The following PPP2R2C variants were observed in gnomAD, a reference collection of about 807,000 sequenced individuals.
PPP2R2C encodes protein phosphatase 2 regulatory subunit Bgamma.
In PPP2R2C, 10 loss-of-function variants were observed where a neutral mutation model predicts 45.3. The ratio of observed to expected loss-of-function variants is 0.22; its 90% CI spans 0.14 to 0.37. The LOEUF is 0.37. Ranked by LOEUF, PPP2R2C falls within the 10% of genes least tolerant of loss-of-function variation. The pLI, the probability that PPP2R2C is intolerant of heterozygous loss-of-function variation, is 1.00. For missense variants in PPP2R2C, 308 were observed against 619.7 expected (o/e 0.50, Z 5.34); for synonymous variants, 257 against 245.4 (o/e 1.05, Z -0.44).
chr4:6,499,415 C>T (rs1301836545), intron 2 of PPP2R2C, among the ~76,000 whole-genome samples: 2 of 152,276 alleles, frequency 1.3e-5, no homozygotes. Flanking sequence ...GCAGTGCCTC[C>T]GACAGGCCAC....
intron 1 of PPP2R2C, among the ~76,000 whole-genome samples, chr4:6,434,641 G>A (rs572615367): frequency 3.3e-5 from 5 of 152,284 alleles, no homozygotes; most frequent in Admixed American, 1.3e-4. Context: ...TTACAGGCAT[G>A]AGCCACCACA....
chr4:6,411,341 G>A (rs923411163), intron 1 of PPP2R2C, among the ~76,000 whole-genome samples: 3 of 152,052 alleles, frequency 2.0e-5, no homozygotes, highest in Admixed American at 1.3e-4. Context: ...AGCCTCACAG[G>A]GCTGGAATGA....
At chr4:6,439,432 C>CT (rs1035087909) in intron 1 of PPP2R2C, among the ~76,000 whole-genome samples, 4 of 152,180 alleles carry the variant, frequency 2.6e-5, no homozygotes, top group Non-Finnish European at 4.4e-5. Flanking sequence ...AACTAGAAAT[C>CT]TAACTTTAGC....
chr4:6,458,287 C>G (rs2108754423), intron 1 of PPP2R2C, among the ~76,000 whole-genome samples: 1 of 152,316 alleles, frequency 6.6e-6, no homozygotes, highest in South Asian at 2.1e-4. Flanking sequence ...ATATCATAGA[C>G]CGGGTGGCTT....
chr4:6,493,800 AT>A (rs1722788767), intron 2 of PPP2R2C, among the ~76,000 whole-genome samples: 1 of 151,916 alleles, frequency 6.6e-6, no homozygotes, highest in Non-Finnish European at 1.5e-5. Context: ...CCCCACCCTG[AT>A]TAATGGTTTT....
intron 5 of PPP2R2C, among the ~76,000 whole-genome samples, chr4:6,367,091 C>T (rs191264707): frequency 1.9e-3 from 281 of 151,892 alleles, no homozygotes; most frequent in South Asian, 3.1e-3. Flanking sequence ...CTTCCTTGAA[C>T]CTTGGTGACT....
chr4:6,532,550 G>C (rs1215654998), intron 2 of PPP2R2C, among the ~76,000 whole-genome samples: 2 of 152,190 alleles, frequency 1.3e-5, no homozygotes, highest in African/African-American at 2.4e-5. Context: ...CACTAGAAAA[G>C]CGGGATTTGC....
intron 1 of PPP2R2C, among the ~76,000 whole-genome samples, chr4:6,387,889 C>A (rs1227438612): frequency 6.6e-6 from 1 of 152,010 alleles, no homozygotes; most frequent in Non-Finnish European, 1.5e-5. Flanking sequence ...CATCTCAGAA[C>A]AATCCCATCG....
chr4:6,339,689 G>C (rs67199827), intron 6 of PPP2R2C, among the ~76,000 whole-genome samples: 34,791 of 152,218 alleles, frequency 0.23, 4,213 homozygotes, highest in Non-Finnish European at 0.25. Context: ...AGATGAGGGT[G>C]GGAGGGACCT....
At chr4:6,547,779 A>G (rs996295071) in intron 1 of PPP2R2C, among the ~76,000 whole-genome samples, 1 of 152,178 alleles carries the variant, frequency 6.6e-6, no homozygotes, top group African/African-American at 2.4e-5. Context: ...GCAACGGGAC[A>G]CAGGCCTCTC....
intron 1 of PPP2R2C, among the ~76,000 whole-genome samples, chr4:6,431,109 A>G (rs528777399): frequency 1.5e-4 from 23 of 152,322 alleles, no homozygotes; most frequent in African/African-American, 3.8e-4. Flanking sequence ...CTGCAAGCCC[A>G]AGGATCAGTA....
chr4:6,367,897 C>G (rs536164157), intron 5 of PPP2R2C, among the ~76,000 whole-genome samples: 1 of 152,356 alleles, frequency 6.6e-6, no homozygotes, highest in Admixed American at 6.5e-5. Flanking sequence ...TGCCAAATGC[C>G]TAAGTTGCCC....
intron 4 of PPP2R2C, among the ~76,000 whole-genome samples, chr4:6,374,857 T>C (rs1391822027): frequency 1.3e-5 from 2 of 152,168 alleles, no homozygotes; most frequent in East Asian, 1.9e-4. Context: ...GTGGGTAGAA[T>C]GCTGTGCAGG....
At chr4:6,402,348 G>A (rs2109351699) in intron 1 of PPP2R2C, among the ~76,000 whole-genome samples, 1 of 152,296 alleles carries the variant, frequency 6.6e-6, no homozygotes, top group African/African-American at 2.4e-5. Context: ...GCTTTGCTAG[G>A]CTGAAGGGAA....
chr4:6,412,632 C>A (rs1718261261), intron 1 of PPP2R2C, among the ~76,000 whole-genome samples: 1 of 152,206 alleles, frequency 6.6e-6, no homozygotes, highest in Admixed American at 6.5e-5. Flanking sequence ...TGTATCTTCT[C>A]TTATGAATCC....
At chr4:6,516,107 A>C (rs760628302) in intron 2 of PPP2R2C, among the ~76,000 whole-genome samples, 4 of 152,220 alleles carry the variant, frequency 2.6e-5, no homozygotes, top group Non-Finnish European at 4.4e-5. Flanking sequence ...GCATTCTGAG[A>C]AACTGAATTA....
intron 5 of PPP2R2C, 142 bp from the exon 6 acceptor site, chr4:6,348,152 T>G (rs1365916835): frequency 2.1e-6 from 2 of 936,126 alleles, no homozygotes; most frequent in East Asian, 5.1e-5. Context: ...ACCCTCAAAA[T>G]GCGTCCCCCT....
rs910522494 is a variant in PPP2R2C at position 6,345,655 on chromosome 4, C to A, written c.790+2191G>T. Among the ~76,000 whole-genome samples the A allele has an allele frequency of 5.3e-5, 8 of 152,152 alleles. No homozygotes were observed. The highest frequency in any genetic ancestry group is 8.8e-5 in the Non-Finnish European group (6 of 68,018). On this transcript the variant is annotated intron_variant, in intron 6 of 8. Transcript: ENST00000382599. The surrounding 1 kb of genome is among the most constrained non-coding windows in gnomAD (Gnocchi z 5.3). ...GCCAGAAGAGGCAGGGAAAACGGTG[C>A]TCCCCAGAGCCTCCCGAAGGTACCA...
intron 1 of PPP2R2C, among the ~76,000 whole-genome samples, chr4:6,435,976 C>A (rs184604238): frequency 6.6e-6 from 1 of 152,138 alleles, no homozygotes; most frequent in Non-Finnish European, 1.5e-5. Context: ...TAGGAAGTAA[C>A]GTCTTTCAGA....
Sources: gnomAD v4.1 joint callset for allele counts (sites outside exome capture counted in the v4.1 genomes callset) on GRCh38, gnomAD v4.1.1 for gene constraint, Gnocchi (gnomAD v3.1) non-coding constraint, MANE v1.5 for transcripts, NCBI Gene and HGNC (gene_info 2026-07-23, HGNC 2026-07-21) for gene names.